Variants in AKAP13 observed in about 807,000 individuals in gnomAD.
AKAP13 encodes A-kinase anchor protein 13.
AKAP13 carries 80 observed loss-of-function variants against 264.5 expected under a neutral mutation model. The ratio of observed to expected loss-of-function variants is 0.30; its 90% CI spans 0.25 to 0.36. The LOEUF (loss-of-function observed/expected upper bound fraction) is 0.36, where lower values mean the gene tolerates loss of function less well. AKAP13 is among the 10% of genes least tolerant of loss of function. AKAP13 has a pLI of 1.00. For missense variants in AKAP13, 3,712 were observed against 3,435.2 expected (o/e 1.08, Z -2.01); for synonymous variants, 1,380 against 1,250.2 (o/e 1.10, Z -2.19).
At chr15:85,434,373 A>G (rs561164030) in intron 1 of AKAP13, among the ~76,000 whole-genome samples, 176 of 152,302 alleles carry the variant, frequency 1.2e-3, no homozygotes, top group African/African-American at 4.0e-3. Context: ...TCAAACTGCA[A>G]GGCGGCAGCG....
Position 85,655,422 on chromosome 15 carries a change from G to A in AKAP13, c.4380G>A (p.Glu1460=), listed in dbSNP as rs1477658759. 4 of 1,613,018 alleles carry A rather than the reference G, an allele frequency of 2.5e-6. No individual in the cohort carries two copies. The highest frequency in any genetic ancestry group is 3.3e-5 in the Admixed American group (2 of 60,012). ...DMDSIIFPKP[E]EEHLACDITG... is the part of the protein sequence containing the mutation. ...GTGCTTTCTCTCCATTACAGCCAGAGGAAGAGCATTTGGCCTGTGATATCA... is the reference window on the plus strand; with the variant it reads ...GTGCTTTCTCTCCATTACAGCCAGAAGAAGAGCATTTGGCCTGTGATATCA... Residue 1460 remains glutamate (E), a synonymous_variant, in exon 11 of 37, where the codon GAG becomes GAA. Transcript: ENST00000394518.
intron 10 of AKAP13, among the ~76,000 whole-genome samples, chr15:85,648,266 G>T (rs750628141): frequency 2.7e-5 from 4 of 148,914 alleles, no homozygotes; most frequent in Non-Finnish European, 6.0e-5. Context: ...ATATATGTTT[G>T]AAAATTTTAA....
At chr15:85,509,546 G>C (rs903636937) in intron 2 of AKAP13, among the ~76,000 whole-genome samples, 1 of 152,012 alleles carries the variant, frequency 6.6e-6, no homozygotes, top group Non-Finnish European at 1.5e-5. Flanking sequence ...ATATATTTAC[G>C]TTCTCATCCT....
chr15:85,457,366 G>A (rs1325964771), intron 1 of AKAP13, among the ~76,000 whole-genome samples: 1 of 152,094 alleles, frequency 6.6e-6, no homozygotes. Flanking sequence ...ACACCATCTC[G>A]GCTTTTAAAC....
chr15:85,398,128 G>A (rs907212173), intron 1 of AKAP13, among the ~76,000 whole-genome samples: 3 of 152,100 alleles, frequency 2.0e-5, no homozygotes, highest in Non-Finnish European at 4.4e-5. Context: ...TCATTCTGGC[G>A]AGAGTTGAAA....
chr15:85,605,421 A>G (rs937844712), intron 8 of AKAP13, among the ~76,000 whole-genome samples: 2 of 152,288 alleles, frequency 1.3e-5, no homozygotes, highest in Non-Finnish European at 2.9e-5. Context: ...GAGCTGAACA[A>G]TGAGAACATG....
chr15:85,494,757 G>C (rs113131151), intron 2 of AKAP13, among the ~76,000 whole-genome samples: 1 of 152,170 alleles, frequency 6.6e-6, no homozygotes, highest in African/African-American at 2.4e-5. Flanking sequence ...CAAATAATTA[G>C]CTTATCTGGT....
intron 16 of AKAP13, among the ~76,000 whole-genome samples, chr15:85,691,122 A>G (rs535332142): frequency 5.9e-5 from 9 of 152,210 alleles, no homozygotes; most frequent in South Asian, 2.1e-4. Context: ...CATTGATTCA[A>G]AATGTTAAGG....
rs144259676 is a variant in AKAP13 at position 85,579,171 on chromosome 15, C to T, written c.1103C>T (p.Ser368Phe). 31 of 1,614,062 alleles carry T rather than the reference C, an allele frequency of 1.9e-5. 1 individual carries two copies. The Middle Eastern group carries it at 3.3e-3, about 172-fold the overall frequency. ...GTTGAGGAGGAGAATACAGACCGTT[C>T]CTGTAGGAAGAAAAATAAAGGCGTG... is the stretch of plus-strand genomic sequence containing the variant. ...SIVEEENTDRSCRKKNKGVER... is the reference protein window; with the variant it reads ...SIVEEENTDRFCRKKNKGVER... The change falls in exon 7 of 37, where the codon TCC becomes TTC. Residue 368 changes from serine to phenylalanine, a missense_variant. Physicochemically the swap from Ser to Phe is radical, Grantham distance 155 (BLOSUM62 -2). This residue lies in a region of AKAP13 where 2,759 missense variants were observed against 2,411.7 expected (regional missense o/e 1.14). Transcript: ENST00000394518.
intron 1 of AKAP13, among the ~76,000 whole-genome samples, chr15:85,442,749 A>G (rs1243999944): frequency 2.6e-5 from 4 of 151,658 alleles, no homozygotes; most frequent in South Asian, 2.1e-4. Context: ...ATTTTGTGCA[A>G]TTGAAATAGG....
intron 8 of AKAP13, among the ~76,000 whole-genome samples, chr15:85,610,981 C>T (rs1313848477): frequency 1.3e-5 from 2 of 152,020 alleles, no homozygotes; most frequent in African/African-American, 4.8e-5. Flanking sequence ...CTCCACCCCC[C>T]CACTCCCCTC....
chr15:85,521,083 T>C (rs967865781), intron 2 of AKAP13, among the ~76,000 whole-genome samples: 1 of 152,246 alleles, frequency 6.6e-6, no homozygotes, highest in African/African-American at 2.4e-5. Context: ...GCCTTATTTT[T>C]GGATTTTCTT....
At chr15:85,693,089 A>T in intron 16 of AKAP13, 188 bp from the exon 17 acceptor site, 2 of 1,016,742 alleles carry the variant, frequency 2.0e-6, no homozygotes, top group Non-Finnish European at 2.7e-6. Flanking sequence ...TGAATTTTCT[A>T]ATGTAGCTTG....
intron 1 of AKAP13, among the ~76,000 whole-genome samples, chr15:85,467,640 A>G (rs541741034): frequency 2.0e-5 from 3 of 151,952 alleles, no homozygotes; most frequent in African/African-American, 7.3e-5. Flanking sequence ...CCTTGTTTTC[A>G]TATCTGTTTC....
At chr15:85,740,300 G>T (rs184633766) in intron 34 of AKAP13, 28 bp downstream of exon 34, 1 of 1,612,818 alleles carries the variant, frequency 6.2e-7, no homozygotes. Context: ...CCATCCCTGC[G>T]TTTATTTGTC....
rs1224541443 is a variant in AKAP13, at chr15:85,562,574, A to AATAT, written c.663-12528_663-12525dup. On this transcript the variant is annotated intron_variant, in intron 5 of 36. Coordinates refer to ENST00000394518, the MANE Select transcript of AKAP13 (RefSeq NM_007200.5). ...AGTGAGAATCTGCCTCAAAAAAAAA[A>AATAT]ATATATATATATATATATATATATA... Among the ~76,000 whole-genome samples, 38 of 77,674 alleles carry AATAT rather than the reference A, an allele frequency of 4.9e-4. 1 individual carries two copies. The highest frequency in any genetic ancestry group is 2.0e-3 in the South Asian group (4 of 2,022). 51.0% of individuals were successfully genotyped at this position (77,674 alleles called of 152,430 possible).
chr15:85,721,589 C>T (rs2087287421), intron 23 of AKAP13, among the ~76,000 whole-genome samples: 1 of 152,160 alleles, frequency 6.6e-6, no homozygotes, highest in Non-Finnish European at 1.5e-5. Flanking sequence ...TTTGTCATGT[C>T]TGTCTAACTT....
chr15:85,732,985 C>G (rs2088166621), intron 30 of AKAP13, among the ~76,000 whole-genome samples: 1 of 152,160 alleles, frequency 6.6e-6, no homozygotes, highest in Non-Finnish European at 1.5e-5. Context: ...TCTACGCTGT[C>G]AGTTTATAAC....
chr15:85,743,667 A>C lies in AKAP13; in HGVS notation c.8234A>C (p.His2745Pro), dbSNP rs1278989775. Residue 2745 changes from histidine (H) to proline (P), a missense_variant, in exon 36 of 37, where the codon CAC becomes CCC. By Grantham distance (77) the His-to-Pro change is moderately conservative (BLOSUM62 -2). This residue lies in a region of AKAP13 where 611 missense variants were observed against 539.3 expected (regional missense o/e 1.13). Coordinates refer to ENST00000394518, the MANE Select transcript of AKAP13 (RefSeq NM_007200.5). ...ACACACAAAGATAAGGGGCCTTTTC[A>C]CATACTGAGTTCAACCAGCCAGACA... Reference protein sequence around the residue: ...SRTHKDKGPFHILSSTSQTNK... With the variant: ...SRTHKDKGPFPILSSTSQTNK... The C allele has an allele frequency of 1.2e-6, 2 of 1,614,062 alleles. No homozygotes were observed. Among genetic ancestry groups the C allele is most frequent in the Non-Finnish European group, 1.7e-6 (2 of 1,180,048 alleles).
Sources: allele counts gnomAD v4.1 joint callset (sites outside exome capture counted in the v4.1 genomes callset), GRCh38; gene constraint gnomAD v4.1.1; regional missense constraint gnomAD v4.1.1; transcripts MANE v1.5; gene names NCBI Gene and HGNC (gene_info 2026-07-23, HGNC 2026-07-21).